The following GNAL variants were observed in gnomAD, a reference collection of about 807,000 sequenced individuals.
GNAL encodes the protein G protein subunit alpha L.
GNAL carries 18 observed loss-of-function variants against 55.1 expected under a neutral mutation model. The observed-to-expected ratio is 0.33, with a 90% CI of 0.23 to 0.48. The LOEUF (loss-of-function observed/expected upper bound fraction) is 0.48. GNAL is among the 20% of genes least tolerant of loss of function. The probability of loss-of-function intolerance (pLI) is 0.99; values close to 1 mark genes in which losing one functional copy is unlikely to be tolerated. For missense variants in GNAL, 412 were observed against 614.1 expected, an observed-to-expected ratio of 0.67 and a Z score of 3.48; for synonymous variants, 253 against 237.0, an observed-to-expected ratio of 1.07 and a Z score of -0.62.
At chr18:11,746,453 T>C (rs2032689459) in intron 1 of GNAL, 1 of 243,228 alleles carries the variant, frequency 4.1e-6, no homozygotes, top group South Asian at 5.7e-5. Flanking sequence ...CTACAGAAAA[T>C]TTAAAAATTA....
chr18:11,784,675 T>C (rs1251490911), intron 4 of GNAL, among the ~76,000 whole-genome samples: 2 of 152,210 alleles, frequency 1.3e-5, no homozygotes, highest in Non-Finnish European at 2.9e-5. Context: ...AAGTTGGCTG[T>C]GGTCTGTGTG....
intron 1 of GNAL, among the ~76,000 whole-genome samples, chr18:11,704,262 T>TTA (rs1370580221): frequency 1.3e-5 from 2 of 152,158 alleles, no homozygotes; most frequent in Non-Finnish European, 2.9e-5. Flanking sequence ...CACATATGGA[T>TTA]TATACCCTAG....
intron 5 of GNAL, among the ~76,000 whole-genome samples, chr18:11,836,011 G>T (rs979763826): frequency 6.6e-6 from 1 of 152,050 alleles, no homozygotes; most frequent in South Asian, 2.1e-4. Context: ...GCTGGGCATA[G>T]TGCCACACAC....
chr18:11,880,578 A>AT lies in GNAL; in HGVS notation c.1231-411_1231-410insT, dbSNP rs199679432. On this transcript the variant is annotated intron_variant, in intron 11 of 11. Transcript: ENST00000334049. ...CAACAGAGCTAGACTCAGTCTCAAA[A>AT]ATATATAAATAAACAAACAAAATAA... Among the ~76,000 whole-genome samples, 860 of 152,312 alleles carry AT rather than the reference A, an allele frequency of 5.6e-3. 11 individuals are homozygous for AT. Among genetic ancestry groups the AT allele is most frequent in the African/African-American group, 0.019 (772 of 41,566 alleles).
intron 4 of GNAL, among the ~76,000 whole-genome samples, chr18:11,780,546 A>C (rs1271004869): frequency 6.6e-6 from 1 of 152,210 alleles, no homozygotes; most frequent in African/African-American, 2.4e-5. Context: ...TCCTCTGTCC[A>C]AGCAGTTTTT....
intron 1 of GNAL, among the ~76,000 whole-genome samples, chr18:11,690,576 A>G (rs1016694917): frequency 1.3e-5 from 2 of 149,382 alleles, no homozygotes; most frequent in Non-Finnish European, 3.0e-5. Context: ...GTCATTTAGC[A>G]TTAGGTATAT....
intron 1 of GNAL, among the ~76,000 whole-genome samples, chr18:11,697,537 G>A (rs2031448897): frequency 1.3e-5 from 2 of 151,626 alleles, no homozygotes; most frequent in Admixed American, 1.3e-4. Context: ...CAGCATGGGG[G>A]AGAGAGCAAG....
intron 4 of GNAL, among the ~76,000 whole-genome samples, chr18:11,805,933 C>G (rs1365150026): frequency 6.6e-6 from 1 of 152,146 alleles, no homozygotes; most frequent in Non-Finnish European, 1.5e-5. Context: ...ATACTGTTTT[C>G]CATAGAAGTT....
chr18:11,752,721 C>G lies in GNAL; in HGVS notation c.377-132C>G, dbSNP rs1357708003. The G allele has an allele frequency of 1.7e-6, 2 of 1,154,598 alleles. No individual in the cohort carries two copies. Among genetic ancestry groups the G allele is most frequent in the Non-Finnish European group, 2.4e-6 (2 of 818,616 alleles). The allele number at this position is 1,154,598 out of a possible 1,614,324, so 71.5% of individuals were successfully genotyped here. On this transcript the variant is annotated intron_variant, in intron 1 of 11. Transcript: ENST00000334049. The surrounding 1 kb of genome is among the most constrained non-coding windows in gnomAD (Gnocchi z 4.5). ...GAGCCCAGACGGCGGCCGGGGCGAG[C>G]TCCTCCAGCCAGGAACCCGCGTGTA...
chr18:11,739,800 A>G (rs2032537517), intron 1 of GNAL, among the ~76,000 whole-genome samples: 1 of 151,142 alleles, frequency 6.6e-6, no homozygotes, highest in Admixed American at 6.6e-5. Context: ...GGTGGGGTCA[A>G]TTGTGATGAC....
intron 5 of GNAL, among the ~76,000 whole-genome samples, chr18:11,826,509 G>A (rs1269657873): frequency 6.6e-6 from 1 of 152,208 alleles, no homozygotes; most frequent in African/African-American, 2.4e-5. Context: ...TTCAGCTACA[G>A]CAACCAGCCA....
At chr18:11,826,240 GGAGGAGGAGGAGCGGGGAGGGGGAAGGAA>G in intron 5 of GNAL, among the ~76,000 whole-genome samples, 1 of 142,816 alleles carries the variant, frequency 7.0e-6, no homozygotes, top group Admixed American at 8.1e-5. Context: ...AAGGGCCAGA[GGAGGAGGAGGAGCGGGGAGGGGGAAGGAA>G]GAGGAGGAGG....
Position 11,752,408 on chromosome 18 carries a change from C to G in GNAL, c.377-445C>G, listed in dbSNP as rs756261776. The G allele has an allele frequency of 6.3e-7, 1 of 1,595,846 alleles. No homozygotes were observed. Among genetic ancestry groups the G allele is most frequent in the Non-Finnish European group, 8.5e-7 (1 of 1,173,304 alleles). On this transcript the variant is annotated intron_variant, in intron 1 of 11. Transcript: ENST00000334049. The surrounding 1 kb of genome is among the most constrained non-coding windows in gnomAD (Gnocchi z 4.5). ...TGCTTTTTGCGCACATTCCTAACTT[C>G]CTGACGTCCATCCCAGCGGGCAGGC...
chr18:11,799,100 G>T (rs141989492), intron 4 of GNAL, among the ~76,000 whole-genome samples: 1 of 150,632 alleles, frequency 6.6e-6, no homozygotes, highest in African/African-American at 2.4e-5. Flanking sequence ...GCAACAGAGC[G>T]AGAGTCTGTC....
At chr18:11,745,433 T>G (rs1308840159) in intron 1 of GNAL, among the ~76,000 whole-genome samples, 1 of 152,238 alleles carries the variant, frequency 6.6e-6, no homozygotes, top group East Asian at 1.9e-4. Flanking sequence ...TTTTAAATTA[T>G]TATTCAAAAT....
chr18:11,879,886 A>G (rs1369541058), intron 11 of GNAL, among the ~76,000 whole-genome samples: 2 of 147,268 alleles, frequency 1.4e-5, no homozygotes, highest in East Asian at 3.9e-4. Context: ...AGCAGATGCT[A>G]AACTGCCCCT....
At chr18:11,829,997 T>A (rs1476595787) in intron 5 of GNAL, among the ~76,000 whole-genome samples, 1 of 152,088 alleles carries the variant, frequency 6.6e-6, no homozygotes, top group Admixed American at 6.6e-5. Context: ...AGAGCAAGAC[T>A]CCATCTCAAA....
At chr18:11,714,433 G>T (rs2031906395) in intron 1 of GNAL, among the ~76,000 whole-genome samples, 1 of 152,178 alleles carries the variant, frequency 6.6e-6, no homozygotes, top group Admixed American at 6.5e-5. Context: ...CTGAGCGCTC[G>T]CTGAATCCAC....
intron 5 of GNAL, among the ~76,000 whole-genome samples, chr18:11,850,407 G>C (rs2035831533): frequency 6.6e-6 from 1 of 152,200 alleles, no homozygotes; most frequent in Non-Finnish European, 1.5e-5. Flanking sequence ...TTCGCTCTCA[G>C]AGTTCATTTT....
Sources: gnomAD v4.1 joint callset for allele counts (sites outside exome capture counted in the v4.1 genomes callset) on GRCh38, gnomAD v4.1.1 for gene constraint, Gnocchi (gnomAD v3.1) non-coding constraint, MANE v1.5 for transcripts, NCBI Gene and HGNC (gene_info 2026-07-23, HGNC 2026-07-21) for gene names.